The following DUSP19 variants were observed in gnomAD, a reference collection of about 807,000 sequenced individuals.
The protein encoded by DUSP19 is dual specificity protein phosphatase 19.
A neutral mutation model predicts 16.6 loss-of-function variants in DUSP19; 14 were observed. The ratio of observed to expected loss-of-function variants is 0.84; its 90% CI spans 0.56 to 1.32. The LOEUF (loss-of-function observed/expected upper bound fraction) is 1.32, where lower values mean the gene tolerates loss of function less well. DUSP19 is among the 40% of genes most tolerant of loss of function. The pLI is 0.00. For synonymous variants in DUSP19, 81 were observed against 90.5 expected (o/e 0.90, Z 0.59); for missense variants, 258 against 255.9 (o/e 1.01, Z -0.06).
At position 183,097,722 on chromosome 2, in the gene DUSP19, A is replaced by G. The variant is rs546780563; in HGVS notation, c.*2064A>G. On this transcript the variant is annotated 3_prime_UTR_variant, in exon 4 of 4. Transcript: ENST00000354221. ...TGTATAGGTTCTCTCTATGGTCAGT[A>G]TCACTGGATAAGCCTTCTCCTTTCA... The G allele has an allele frequency of 2.6e-5, 4 of 152,346 alleles. No homozygotes were observed. Among genetic ancestry groups the G allele is most frequent in the African/African-American group, 9.6e-5 (4 of 41,576 alleles). The allele number at this position is 152,346 out of a possible 1,614,324, so 9.4% of individuals were successfully genotyped here.
intron 3 of DUSP19, among the ~76,000 whole-genome samples, chr2:183,088,231 T>C (rs1416003509): frequency 6.6e-6 from 1 of 152,146 alleles, no homozygotes; most frequent in Non-Finnish European, 1.5e-5. Context: ...CTTGGAGCAA[T>C]AGGCCATACC....
At chr2:183,089,245 C>T (rs1233786766) in intron 3 of DUSP19, among the ~76,000 whole-genome samples, 1 of 152,158 alleles carries the variant, frequency 6.6e-6, no homozygotes, top group Non-Finnish European at 1.5e-5. Context: ...CTGCTGGGCT[C>T]ATTTCACAGT....
chr2:183,081,185 G>T (rs887157367), intron 1 of DUSP19, among the ~76,000 whole-genome samples: 1 of 152,150 alleles, frequency 6.6e-6, no homozygotes, highest in African/African-American at 2.4e-5. Flanking sequence ...ATGGAGAAAA[G>T]ATTTTAGACA....
At chr2:183,085,518 A>G (rs1699648073) in intron 2 of DUSP19, among the ~76,000 whole-genome samples, 1 of 152,102 alleles carries the variant, frequency 6.6e-6, no homozygotes, top group South Asian at 2.1e-4. Context: ...TGGTGGAAAC[A>G]GTTTCATTTG....
intron 3 of DUSP19, 131 bp downstream of exon 3, chr2:183,087,323 C>G: frequency 1.1e-6 from 1 of 948,796 alleles, no homozygotes; most frequent in Non-Finnish European, 1.5e-6. Flanking sequence ...AACAATATTT[C>G]ATTATTTCCT....
intron 2 of DUSP19, among the ~76,000 whole-genome samples, chr2:183,086,215 TA>T: frequency 6.6e-6 from 1 of 152,146 alleles, no homozygotes. Context: ...CAGGTGACTC[TA>T]ATGTGCAGTC....
Position 183,087,042 on chromosome 2 carries a change from G to A in DUSP19, c.276G>A (p.Val92=), listed in dbSNP as rs1255676670. The change falls in exon 3 of 4, where the codon GTG becomes GTA. Residue 92 remains valine (V), a splice_region_variant and synonymous_variant. Coordinates refer to ENST00000354221, the MANE Select transcript of DUSP19 (RefSeq NM_080876.4). The part of the protein sequence containing the change: ...HDLDTLKKNK[V]THILNVAYGV... ...CATCTTTTTTCTTTCTCTTTAAGGTGACTCATATTCTTAATGTTGCATATG... is the reference window on the plus strand; with the variant it reads ...CATCTTTTTTCTTTCTCTTTAAGGTAACTCATATTCTTAATGTTGCATATG... 1.9e-6 allele frequency: 3 copies of A among 1,607,682 alleles called. No individual in the cohort carries two copies. The highest frequency in any genetic ancestry group is 2.2e-5 in the East Asian group (1 of 44,654).
At chr2:183,080,782 A>C (rs1320250804) in intron 1 of DUSP19, among the ~76,000 whole-genome samples, 1 of 152,184 alleles carries the variant, frequency 6.6e-6, no homozygotes, top group South Asian at 2.1e-4. Flanking sequence ...AGCCCTAATA[A>C]GGTCTTCTCT....
At chr2:183,085,420 A>G (rs1253139286) in intron 2 of DUSP19, among the ~76,000 whole-genome samples, 6 of 152,242 alleles carry the variant, frequency 3.9e-5, no homozygotes, top group Non-Finnish European at 1.5e-5. Flanking sequence ...GGAGAGAGTC[A>G]GCAATGTCAG....
chr2:183,079,251 C>T (rs1370945625), intron 1 of DUSP19, 92 bp downstream of exon 1: 2 of 1,239,536 alleles, frequency 1.6e-6, no homozygotes, highest in East Asian at 4.8e-5. Flanking sequence ...TCTGTATTAT[C>T]AGCTATCCTG....
intron 3 of DUSP19, among the ~76,000 whole-genome samples, chr2:183,091,996 C>T (rs943559053): frequency 6.6e-6 from 1 of 152,110 alleles, no homozygotes. Context: ...CTGTTCTGAC[C>T]TGTGCTCCTC....
At chr2:183,079,969 T>C (rs1234538291) in intron 1 of DUSP19, among the ~76,000 whole-genome samples, 1 of 152,228 alleles carries the variant, frequency 6.6e-6, no homozygotes, top group Non-Finnish European at 1.5e-5. Context: ...CAGGTGCTGT[T>C]CACCTAGTGT....
intron 1 of DUSP19, among the ~76,000 whole-genome samples, chr2:183,080,860 C>T (rs1190695688): frequency 2.0e-5 from 3 of 152,192 alleles, no homozygotes; most frequent in Non-Finnish European, 4.4e-5. Context: ...TGCCTAATTA[C>T]AAGTGCCTCA....
rs1699850146 is a variant in DUSP19, at chr2:183,099,736, C to T, written c.*4078C>T. On this transcript the variant is annotated 3_prime_UTR_variant, in exon 4 of 4. Transcript: ENST00000354221. ...CTGTTGGTGGCCAGGCGCAGTGGCT[C>T]ATGCCTGTAATCCCAACATTTTGGG... is the stretch of plus-strand genomic sequence containing the variant. The T allele has an allele frequency of 6.6e-6, 1 of 152,196 alleles. No homozygotes were observed. Among genetic ancestry groups the T allele is most frequent in the South Asian group, 2.1e-4 (1 of 4,832 alleles). The allele number at this position is 152,196 out of a possible 1,614,324, so 9.4% of individuals were successfully genotyped here.
intron 2 of DUSP19, among the ~76,000 whole-genome samples, chr2:183,086,292 G>A (rs1251585464): frequency 2.6e-5 from 4 of 152,054 alleles, no homozygotes; most frequent in African/African-American, 9.7e-5. Context: ...TCTTGAAAGG[G>A]AAGTTGTATA....
rs1699830978 is a variant in DUSP19 at position 183,098,352 on chromosome 2, AT to A, written c.*2695del. On this transcript the variant is annotated 3_prime_UTR_variant, in exon 4 of 4. Coordinates refer to ENST00000354221, the MANE Select transcript of DUSP19 (RefSeq NM_080876.4). ...ATTGTAGTTTGCTGTATTAAAATAG[AT>A]CAATGAATATAATTCAGTCTTTTAG... 6.6e-6 allele frequency: 1 copy of A among 152,224 alleles called. No homozygotes were observed. Among genetic ancestry groups the A allele is most frequent in the African/African-American group, 2.4e-5 (1 of 41,460 alleles). 9.4% of individuals were successfully genotyped at this position (152,224 alleles called of 1,614,324 possible). A position where few individuals can be genotyped will look rare whatever the true frequency, so the allele number is the denominator to read the frequency against.
chr2:183,092,448 T>G (rs1699743894), intron 3 of DUSP19, among the ~76,000 whole-genome samples: 1 of 152,150 alleles, frequency 6.6e-6, no homozygotes, highest in Non-Finnish European at 1.5e-5. Context: ...TGTGTCTATG[T>G]GTTCACGTTG....
At chr2:183,085,309 A>T (rs1248108903) in intron 2 of DUSP19, among the ~76,000 whole-genome samples, 1 of 152,214 alleles carries the variant, frequency 6.6e-6, no homozygotes, top group African/African-American at 2.4e-5. Context: ...TGATCAAACA[A>T]AGAAGAGTCC....
At position 183,095,700 on chromosome 2, in the gene DUSP19, T is replaced by G. The variant is rs770023394; in HGVS notation, c.*42T>G. On this transcript the variant is annotated 3_prime_UTR_variant, in exon 4 of 4. Transcript: ENST00000354221. ...CAATGGACAACTGTAGTTTCTGAAT[T>G]GACTTCTATAGCCATCTTTTCCCTT... 8 of 1,502,054 alleles carry G rather than the reference T, an allele frequency of 5.3e-6. No individual in the cohort carries two copies. Among genetic ancestry groups the G allele is most frequent in the Non-Finnish European group, 9.1e-7 (1 of 1,093,338 alleles). The allele number at this position is 1,502,054 out of a possible 1,614,324, so 93.0% of individuals were successfully genotyped here.
Sources: gnomAD v4.1 joint callset for allele counts (sites outside exome capture counted in the v4.1 genomes callset) on GRCh38, gnomAD v4.1.1 for gene constraint, MANE v1.5 for transcripts, NCBI Gene and HGNC (gene_info 2026-07-23, HGNC 2026-07-21) for gene names.